ETFBKMT: variants seen among roughly 807,000 people sequenced by gnomAD.
The protein encoded by ETFBKMT is electron transfer flavoprotein beta subunit lysine methyltransferase.
ETFBKMT carries 13 observed loss-of-function variants against 18.3 expected under a neutral mutation model. That is an observed-to-expected ratio of 0.71 (90% CI 0.46 to 1.13). The LOEUF (loss-of-function observed/expected upper bound fraction) is 1.13. ETFBKMT is among the 50% of genes most tolerant of loss of function. The probability of loss-of-function intolerance (pLI) is 0.00; values close to 1 mark genes in which losing one functional copy is unlikely to be tolerated. For synonymous variants in ETFBKMT, 84 were observed against 107.9 expected (o/e 0.78, Z 1.37); for missense variants, 293 against 306.2 (o/e 0.96, Z 0.32).
chr12:31,665,180 A>G (rs1951178297), intron 2 of ETFBKMT, among the ~76,000 whole-genome samples: 1 of 152,098 alleles, frequency 6.6e-6, no homozygotes, highest in African/African-American at 2.4e-5. Flanking sequence ...CAGGTGATCC[A>G]CCTGCTCAGC....
At position 31,670,913 on chromosome 12, in the gene ETFBKMT, G is replaced by A. The variant is rs2139636306; in HGVS notation, c.*2923G>A. 6.6e-6 allele frequency: 1 copy of A among 152,286 alleles called. No homozygotes were observed. Among genetic ancestry groups the A allele is most frequent in the Non-Finnish European group, 1.5e-5 (1 of 68,028 alleles). 9.4% of individuals were successfully genotyped at this position (152,286 alleles called of 1,614,324 possible). A position where few individuals can be genotyped will look rare whatever the true frequency, so the allele number is the denominator to read the frequency against. On this transcript the variant is annotated 3_prime_UTR_variant, in exon 4 of 4. Coordinates refer to ENST00000357721, the MANE Select transcript of ETFBKMT (RefSeq NM_001135863.2). ...TGAAAACAGGCATCAGATGGTGATA[G>A]GTAGTAAGGAGAAAAAGAAGTAAGG...
chr12:31,655,270 C>T (rs1355588603), upstream of ETFBKMT, among the ~76,000 whole-genome samples: 2 of 152,276 alleles, frequency 1.3e-5, no homozygotes, highest in East Asian at 3.9e-4. Flanking sequence ...GCTTACTTCA[C>T]AACCTTGTGT....
chr12:31,661,567 C>T (rs948861939), intron 1 of ETFBKMT, among the ~76,000 whole-genome samples: 9 of 152,022 alleles, frequency 5.9e-5, no homozygotes, highest in Non-Finnish European at 1.2e-4. Context: ...CCTCCGCCTC[C>T]CGGGTTCAAG....
Position 31,668,549 on chromosome 12 carries a change from T to G in ETFBKMT, c.*559T>G, listed in dbSNP as rs1366706367. ...CTCTGTCGTCCAGGCTGGAGTGCAG[T>G]GACTCATGTCTCGGCTCACTGTAGC... On this transcript the variant is annotated 3_prime_UTR_variant, in exon 4 of 4. Transcript: ENST00000357721. The G allele has an allele frequency of 6.6e-6, 1 of 151,778 alleles. No individual in the cohort carries two copies. 9.4% of individuals were successfully genotyped at this position (151,778 alleles called of 1,614,324 possible). A position where few individuals can be genotyped will look rare whatever the true frequency, so the allele number is the denominator to read the frequency against.
chr12:31,660,633 A>G (rs1343501841), intron 1 of ETFBKMT, among the ~76,000 whole-genome samples: 2 of 152,178 alleles, frequency 1.3e-5, no homozygotes, highest in East Asian at 3.8e-4. Flanking sequence ...AGATACTTTT[A>G]CAGAAAGAGA....
At chr12:31,648,643 G>C (rs1397262229) in intron 1 of ETFBKMT, among the ~76,000 whole-genome samples, 1 of 137,182 alleles carries the variant, frequency 7.3e-6, no homozygotes, top group Admixed American at 8.3e-5. Flanking sequence ...CTCACTGCAA[G>C]CTCTGCCTCC....
chr12:31,667,241 C>T (rs1305215319), intron 3 of ETFBKMT, among the ~76,000 whole-genome samples: 5 of 152,172 alleles, frequency 3.3e-5, no homozygotes, highest in East Asian at 1.9e-4. Flanking sequence ...GTGATCCACC[C>T]GCCTCGGCCT....
rs149625172 is a variant in ETFBKMT, at chr12:31,669,055, G to C, written c.*1065G>C. 6 of 152,266 alleles carry C rather than the reference G, an allele frequency of 3.9e-5. No homozygotes were observed. The East Asian group carries it at 1.2e-3, about 29-fold the overall frequency. 9.4% of individuals were successfully genotyped at this position (152,266 alleles called of 1,614,324 possible). A position where few individuals can be genotyped will look rare whatever the true frequency, so the allele number is the denominator to read the frequency against. On this transcript the variant is annotated 3_prime_UTR_variant, in exon 4 of 4. Transcript: ENST00000357721. Reference sequence around the variant, plus strand: ...TTTTTTGTTGATAGCTAGACATGATGTATTGCATAAATAAACAAGTAAACT... The same window carrying C: ...TTTTTTGTTGATAGCTAGACATGATCTATTGCATAAATAAACAAGTAAACT...
intron 1 of ETFBKMT, among the ~76,000 whole-genome samples, chr12:31,650,642 T>TTTTTTTTTTTTAA (rs1555182738): frequency 1.3e-5 from 2 of 150,644 alleles, no homozygotes; most frequent in Admixed American, 1.3e-4. Context: ...TTTTTTTTTT[T>TTTTTTTTTTTTAA]AAAGAATCAC....
chr12:31,651,476 C>T (rs1951017770), intron 1 of ETFBKMT, among the ~76,000 whole-genome samples: 1 of 151,902 alleles, frequency 6.6e-6, no homozygotes, highest in Non-Finnish European at 1.5e-5. Flanking sequence ...ATTACAGGTG[C>T]GTGCCACCAC....
In ETFBKMT at chr12:31,664,499, C is replaced by T. The variant is rs193042181; in HGVS notation, c.315-1588C>T. Among the ~76,000 whole-genome samples, 29 of 152,284 alleles carry T rather than the reference C, an allele frequency of 1.9e-4. No homozygotes were observed. In the East Asian group the frequency reaches 5.4e-3, roughly 28 times the overall value. The stretch of plus-strand genomic sequence containing the variant: ...CGAAATGAGAGACTGAGGCATGAGT[C>T]TCAACCAGTCAAGGTTTGTTAAGCC... On this transcript the variant is annotated intron_variant, in intron 2 of 3. Coordinates refer to ENST00000357721, the MANE Select transcript of ETFBKMT (RefSeq NM_001135863.2).
At chr12:31,661,538 C>T (rs1252465808) in intron 1 of ETFBKMT, among the ~76,000 whole-genome samples, 4 of 151,646 alleles carry the variant, frequency 2.6e-5, no homozygotes, top group East Asian at 1.9e-4. Flanking sequence ...TGCAATGGTG[C>T]GATCTCGGCA....
chr12:31,656,093 T>C (rs1951059807), upstream of ETFBKMT, among the ~76,000 whole-genome samples: 1 of 152,238 alleles, frequency 6.6e-6, no homozygotes, highest in Non-Finnish European at 1.5e-5. Context: ...TGAGTGTCTG[T>C]GCCAGAGGCT....
intron 2 of ETFBKMT, 134 bp downstream of exon 2, chr12:31,662,401 G>T: frequency 1.3e-6 from 1 of 780,250 alleles, no homozygotes; most frequent in Non-Finnish European, 2.0e-6. Flanking sequence ...GGGAGGCTGA[G>T]GCTGTAAGCT....
intron 3 of ETFBKMT, among the ~76,000 whole-genome samples, chr12:31,666,988 T>TC (rs1951204287): frequency 6.9e-6 from 1 of 145,844 alleles, no homozygotes. Context: ...GAGTCTCAGT[T>TC]CTTTTTTTTT....
chr12:31,672,589 C>A lies in ETFBKMT; in HGVS notation c.*4599C>A. On this transcript the variant is annotated 3_prime_UTR_variant, in exon 4 of 4. Transcript: ENST00000357721. ...GTGTAGTGCACCTATCATGGTATTA[C>A]TTGTTTAAAAAAAAAAAACAGGCAT... 2 of 399,908 alleles carry A rather than the reference C, an allele frequency of 5.0e-6. No individual in the cohort carries two copies. The highest frequency in any genetic ancestry group is 4.5e-6 in the Non-Finnish European group (1 of 222,502). 24.8% of individuals were successfully genotyped at this position (399,908 alleles called of 1,614,324 possible). A position where few individuals can be genotyped will look rare whatever the true frequency, so the allele number is the denominator to read the frequency against.
rs563592807 is a variant in ETFBKMT at position 31,663,096 on chromosome 12, A to AT, written c.314+843dup. On this transcript the variant is annotated intron_variant, in intron 2 of 3. Transcript: ENST00000357721. ...GATACCCCTATCTCTACAAAAAAAAATTTTTTTTTTTTTTGAGACAGAGTC... is the reference window on the plus strand; with the variant it reads ...GATACCCCTATCTCTACAAAAAAAAATTTTTTTTTTTTTTTGAGACAGAGTC... 4.1e-3 allele frequency among the ~76,000 whole-genome samples: 603 copies of AT among 147,252 alleles called. 7 individuals carry two copies. Among genetic ancestry groups the AT allele is most frequent in the African/African-American group, 0.014 (558 of 39,956 alleles).
upstream of ETFBKMT, among the ~76,000 whole-genome samples, chr12:31,656,234 CT>C (rs1182925722): frequency 5.9e-5 from 9 of 151,984 alleles, no homozygotes; most frequent in East Asian, 1.7e-3. Context: ...TTGGGGAAGG[CT>C]TTTCAGAGGA....
At chr12:31,651,062 G>A (rs1951013537) in intron 1 of ETFBKMT, among the ~76,000 whole-genome samples, 1 of 152,052 alleles carries the variant, frequency 6.6e-6, no homozygotes, top group Non-Finnish European at 1.5e-5. Context: ...GAAGGGACGT[G>A]GAGAACAACT....
Sources: allele counts gnomAD v4.1 joint callset (sites outside exome capture counted in the v4.1 genomes callset), GRCh38; gene constraint gnomAD v4.1.1; transcripts MANE v1.5; gene names NCBI Gene and HGNC (gene_info 2026-07-23, HGNC 2026-07-21).